The following MAP4K4 variants were observed in gnomAD, a reference collection of about 807,000 sequenced individuals.
The protein encoded by MAP4K4 is HPK/GCK-like kinase HGK.
In MAP4K4, 38 loss-of-function variants were observed where a neutral mutation model predicts 189.6. The observed-to-expected ratio is 0.20, with a 90% CI of 0.15 to 0.26. MAP4K4 has a LOEUF of 0.26. Among genes scored for constraint, MAP4K4 ranks in the 10% least tolerant of loss-of-function variants. MAP4K4 has a pLI of 1.00. For missense variants in MAP4K4, 1,054 were observed against 1,726.9 expected (o/e 0.61, Z 6.91); for synonymous variants, 610 against 624.3 (o/e 0.98, Z 0.34).
At chr2:101,807,019 T>C (rs1211477597) in intron 3 of MAP4K4, among the ~76,000 whole-genome samples, 2 of 151,882 alleles carry the variant, frequency 1.3e-5, no homozygotes. Context: ...TGCAGCCTTT[T>C]TCAGTTCTTT....
intron 2 of MAP4K4, among the ~76,000 whole-genome samples, chr2:101,731,429 T>A (rs1364084056): frequency 6.6e-6 from 1 of 151,880 alleles, no homozygotes; most frequent in Non-Finnish European, 1.5e-5. Flanking sequence ...AGTAATTTTT[T>A]AAAAATTATT....
rs185218744 is a variant in MAP4K4, at chr2:101,759,231, C to T, written c.124-31489C>T. 3.6e-4 allele frequency among the ~76,000 whole-genome samples: 55 copies of T among 151,864 alleles called. No homozygotes were observed. The East Asian group carries it at 6.6e-3, about 18-fold the overall frequency. On this transcript the variant is annotated intron_variant, in intron 2 of 32. Coordinates refer to ENST00000324219, the Ensembl canonical transcript of MAP4K4. The stretch of plus-strand genomic sequence containing the variant: ...TCATTCAGTTAGGTTAGGCTTTTCT[C>T]TCTGTGAACAAAGTTTGCTTCCTTT...
At chr2:101,701,118 TA>T (rs200628441) in intron 2 of MAP4K4, among the ~76,000 whole-genome samples, 5 of 152,190 alleles carry the variant, frequency 3.3e-5, no homozygotes, top group African/African-American at 1.2e-4. Context: ...TAATTTCAGG[TA>T]AAAAAAATCT....
In MAP4K4 at chr2:101,698,542, GGT is replaced by G. The variant is rs751365585; in HGVS notation, c.123+8_123+9del. ...CACCTATGGACAAGTCTATAAGGTCGGTGTGGGCGCCTTCTTTGTTTCCCGTG... is the reference window on the plus strand; with the variant it reads ...CACCTATGGACAAGTCTATAAGGTCGGTGGGCGCCTTCTTTGTTTCCCGTG... On this transcript the variant is annotated splice_donor_5th_base_variant and intron_variant, in intron 2 of 32. Transcript: ENST00000324219. 2 of 1,613,128 alleles carry G rather than the reference GGT, an allele frequency of 1.2e-6. No homozygotes were observed. Among genetic ancestry groups the G allele is most frequent in the Non-Finnish European group, 1.7e-6 (2 of 1,179,342 alleles).
chr2:101,814,628 A>G (rs908213259), intron 3 of MAP4K4, among the ~76,000 whole-genome samples: 1 of 152,260 alleles, frequency 6.6e-6, no homozygotes, highest in African/African-American at 2.4e-5. Flanking sequence ...TTGGCAGACT[A>G]TAGCAAATTT....
chr2:101,870,663 C>T (rs537899011), intron 23 of MAP4K4: 16 of 458,702 alleles, frequency 3.5e-5, no homozygotes, highest in African/African-American at 1.8e-4. Flanking sequence ...ATTCAAGCAC[C>T]GCGCTGAGTC....
chr2:101,853,050 C>T (rs778340731), intron 12 of MAP4K4, among the ~76,000 whole-genome samples: 24 of 152,182 alleles, frequency 1.6e-4, no homozygotes, highest in Non-Finnish European at 3.1e-4. Context: ...AATATTGTGA[C>T]GATTTCTCTC....
chr2:101,840,531 A>G (rs2096885307), intron 10 of MAP4K4, among the ~76,000 whole-genome samples: 1 of 152,114 alleles, frequency 6.6e-6, no homozygotes, highest in African/African-American at 2.4e-5. Flanking sequence ...TGTTCCCAGT[A>G]ACTTTGTTTT....
chr2:101,721,915 A>G (rs6733355), intron 2 of MAP4K4, among the ~76,000 whole-genome samples: 45,824 of 152,122 alleles, frequency 0.3, 7,281 homozygotes, highest in South Asian at 0.49. Context: ...AAAAGCCAGC[A>G]AGACAATAAG....
At chr2:101,776,456 G>A (rs118043725) in intron 2 of MAP4K4, among the ~76,000 whole-genome samples, 1 of 151,924 alleles carries the variant, frequency 6.6e-6, no homozygotes, top group South Asian at 2.1e-4. Flanking sequence ...CTAGTCTAGA[G>A]GCTCAGCTTT....
At chr2:101,717,738 A>G (rs2049204354) in intron 2 of MAP4K4, among the ~76,000 whole-genome samples, 1 of 152,194 alleles carries the variant, frequency 6.6e-6, no homozygotes, top group African/African-American at 2.4e-5. Context: ...AGGATGTGCT[A>G]AGCTCAATGA....
At chr2:101,852,385 G>C (rs1030004926) in intron 12 of MAP4K4, among the ~76,000 whole-genome samples, 1 of 152,042 alleles carries the variant, frequency 6.6e-6, no homozygotes, top group Admixed American at 6.6e-5. Flanking sequence ...AAATAAAAAA[G>C]TATTGAATTT....
At chr2:101,744,586 T>A (rs1344556670) in intron 2 of MAP4K4, among the ~76,000 whole-genome samples, 3 of 152,124 alleles carry the variant, frequency 2.0e-5, no homozygotes, top group Non-Finnish European at 2.9e-5. Flanking sequence ...TGTGGTCTTC[T>A]CCTTGGGTTG....
At chr2:101,774,910 C>T (rs1465149044) in intron 2 of MAP4K4, among the ~76,000 whole-genome samples, 1 of 152,064 alleles carries the variant, frequency 6.6e-6, no homozygotes, top group Non-Finnish European at 1.5e-5. Context: ...AGGACTTCTC[C>T]AGAGGCCTGG....
At chr2:101,812,923 C>T (rs574965733) in intron 3 of MAP4K4, among the ~76,000 whole-genome samples, 8 of 152,070 alleles carry the variant, frequency 5.3e-5, no homozygotes, top group Admixed American at 3.9e-4. Context: ...GTCAGGAGAT[C>T]GAGACCATCC....
chr2:101,892,792 T>G, exon 33 of MAP4K4: 1 of 422,594 alleles, frequency 2.4e-6, no homozygotes. Context: ...GTAATAAATG[T>G]CTTGAGAAAG....
Position 101,778,317 on chromosome 2 carries a change from G to A in MAP4K4, c.124-12403G>A, listed in dbSNP as rs188387511. Among the ~76,000 whole-genome samples the A allele has an allele frequency of 4.1e-4, 63 of 152,328 alleles. 1 individual carries two copies. Among genetic ancestry groups the A allele is most frequent in the African/African-American group, 1.5e-3 (61 of 41,564 alleles). On this transcript the variant is annotated intron_variant, in intron 2 of 32. Transcript: ENST00000324219. ...GCTCACCTCTGCGTGTCTCTGATTC[G>A]TGTGTCCAGCACAGTGTGCGGGGTC...
chr2:101,885,127 T>C (rs72991249), intron 28 of MAP4K4, 60 bp from the exon 29 acceptor site: 9 of 825,960 alleles, frequency 1.1e-5, no homozygotes, highest in Non-Finnish European at 1.7e-5. Flanking sequence ...TAAAACAGTT[T>C]AGAGGGCTAT....
At chr2:101,712,353 C>T (rs1017848375) in intron 2 of MAP4K4, among the ~76,000 whole-genome samples, 29 of 152,044 alleles carry the variant, frequency 1.9e-4, no homozygotes, top group Admixed American at 1.9e-3. Flanking sequence ...GGCCACCATG[C>T]CCGGCGAATT....
Sources: allele counts gnomAD v4.1 joint callset (sites outside exome capture counted in the v4.1 genomes callset), GRCh38; gene constraint gnomAD v4.1.1; transcripts MANE v1.5; gene names NCBI Gene and HGNC (gene_info 2026-07-23, HGNC 2026-07-21).